The following FUT8 variants were observed in gnomAD, a reference collection of about 807,000 sequenced individuals.
FUT8 encodes fucosyltransferase 8.
FUT8 carries 29 observed loss-of-function variants against 71.3 expected under a neutral mutation model. The ratio of observed to expected loss-of-function variants is 0.41; its 90% CI spans 0.30 to 0.55. The LOEUF (loss-of-function observed/expected upper bound fraction) is 0.55. Ranked by LOEUF, FUT8 falls within the 20% of genes least tolerant of loss-of-function variation. FUT8 has a pLI of 0.34. For missense variants in FUT8, 544 were observed against 702.1 expected (o/e 0.77, Z 2.55); for synonymous variants, 254 against 239.3 (o/e 1.06, Z -0.57).
the FUT8 span, among the ~76,000 whole-genome samples, chr14:65,359,435 T>C: frequency 6.6e-6 from 1 of 152,184 alleles, no homozygotes; most frequent in African/African-American, 2.4e-5. Context: ...ATCACCACCA[T>C]ACATCTCCAG....
At chr14:65,420,797 G>C (rs1452477274) in intron 1 of FUT8, among the ~76,000 whole-genome samples, 1 of 152,032 alleles carries the variant, frequency 6.6e-6, no homozygotes, top group Non-Finnish European at 1.5e-5. Flanking sequence ...ATAAACTACT[G>C]TTGACTTCCA....
chr14:65,519,654 C>T (rs1038425440), intron 2 of FUT8, among the ~76,000 whole-genome samples: 4 of 151,986 alleles, frequency 2.6e-5, no homozygotes, highest in East Asian at 1.9e-4. Context: ...GTTGATGGTC[C>T]GTTGTCCTGT....
At chr14:65,673,962 T>G (rs994554064) in intron 7 of FUT8, among the ~76,000 whole-genome samples, 2 of 152,206 alleles carry the variant, frequency 1.3e-5, no homozygotes, top group African/African-American at 4.8e-5. Context: ...GTCTTTCCTT[T>G]GATACTAATA....
At chr14:65,642,048 GTTTA>G (rs1044808217) in intron 6 of FUT8, among the ~76,000 whole-genome samples, 3 of 151,940 alleles carry the variant, frequency 2.0e-5, no homozygotes, top group Non-Finnish European at 4.4e-5. Flanking sequence ...ACAAAGTTCA[GTTTA>G]TTAAGTTTTT....
chr14:65,557,647 A>G (rs1363569392), intron 2 of FUT8, among the ~76,000 whole-genome samples: 3 of 151,816 alleles, frequency 2.0e-5, no homozygotes, highest in African/African-American at 7.3e-5. Context: ...GTCTCTTAAA[A>G]AAAAAAAAAG....
At chr14:65,389,097 G>A in the FUT8 span, among the ~76,000 whole-genome samples, 1 of 150,664 alleles carries the variant, frequency 6.6e-6, no homozygotes, top group Non-Finnish European at 1.5e-5. Context: ...GGACTTAAGT[G>A]ATCCTCCTGC....
intron 3 of FUT8, among the ~76,000 whole-genome samples, chr14:65,599,887 T>C (rs1273567194): frequency 6.6e-6 from 1 of 152,210 alleles, no homozygotes; most frequent in East Asian, 1.9e-4. Context: ...TTAATACATA[T>C]GCTCTAACAA....
At chr14:65,386,376 C>T in the FUT8 span, among the ~76,000 whole-genome samples, 5 of 148,190 alleles carry the variant, frequency 3.4e-5, no homozygotes, top group East Asian at 2.0e-4. Flanking sequence ...TGGTGGTGTG[C>T]GCCTATAGTT....
At chr14:65,396,869 A>G in the FUT8 span, among the ~76,000 whole-genome samples, 1 of 152,174 alleles carries the variant, frequency 6.6e-6, no homozygotes, top group African/African-American at 2.4e-5. The surrounding 1 kb of genome is among the most constrained non-coding windows in gnomAD (Gnocchi z 5.5). Context: ...GAGTCTTGCT[A>G]GTTTGCCCAG....
intron 6 of FUT8, among the ~76,000 whole-genome samples, chr14:65,662,457 C>A (rs1281065621): frequency 6.6e-6 from 1 of 152,028 alleles, no homozygotes; most frequent in African/African-American, 2.4e-5. Context: ...TATCTTAAAT[C>A]CTTATTTCTT....
In FUT8 at chr14:65,595,602, C is replaced by CCTTT. The variant is rs1887923420; in HGVS notation, c.204-20376_204-20375insCTTT. Among the ~76,000 whole-genome samples, 12 of 81,758 alleles carry CCTTT rather than the reference C, an allele frequency of 1.5e-4. No individual in the cohort carries two copies. In the South Asian group the frequency reaches 6.5e-3, roughly 44 times the overall value. The allele number at this position is 81,758 out of a possible 152,430, so 53.6% of individuals were successfully genotyped here. A position where few individuals can be genotyped will look rare whatever the true frequency, so the allele number is the denominator to read the frequency against. On this transcript the variant is annotated intron_variant, in intron 3 of 10. Coordinates refer to ENST00000673929, the MANE Select transcript of FUT8 (RefSeq NM_001371533.1). ...GACGATTTATCTTCTACACCATTCT[C>CCTTT]TTTTTTTTTTTTTTTTTTTTTTTTG...
intron 7 of FUT8, among the ~76,000 whole-genome samples, chr14:65,716,971 G>A (rs1895106719): frequency 6.8e-6 from 1 of 147,646 alleles, no homozygotes; most frequent in Non-Finnish European, 1.5e-5. Flanking sequence ...GGGCGGCCGG[G>A]CAGAGGTGCT....
chr14:65,524,559 C>T (rs1472649368), intron 2 of FUT8, among the ~76,000 whole-genome samples: 2 of 152,130 alleles, frequency 1.3e-5, no homozygotes, highest in Admixed American at 1.3e-4. Flanking sequence ...ATTGAATGCC[C>T]TTTATTTCTT....
chr14:65,569,672 A>G (rs895775061), intron 3 of FUT8, among the ~76,000 whole-genome samples: 3 of 151,522 alleles, frequency 2.0e-5, no homozygotes, highest in African/African-American at 4.8e-5. Context: ...CCTAATTTCT[A>G]TTTCATGGAT....
intron 2 of FUT8, among the ~76,000 whole-genome samples, chr14:65,500,070 G>T (rs1474482545): frequency 6.6e-6 from 1 of 152,160 alleles, no homozygotes; most frequent in East Asian, 1.9e-4. Flanking sequence ...ATGGGATTGT[G>T]TAGGGATCAT....
At chr14:65,387,841 C>A in the FUT8 span, among the ~76,000 whole-genome samples, 1 of 152,138 alleles carries the variant, frequency 6.6e-6, no homozygotes, top group Non-Finnish European at 1.5e-5. Flanking sequence ...GCTTAAGGTA[C>A]ACAGTAAATC....
chr14:65,491,322 A>G (rs1367824528), intron 2 of FUT8, among the ~76,000 whole-genome samples: 3 of 152,164 alleles, frequency 2.0e-5, no homozygotes, highest in African/African-American at 7.2e-5. Flanking sequence ...GGGGGTTTAT[A>G]GGTCATTCTA....
chr14:65,442,000 AGTT>A (rs1195597273), intron 1 of FUT8, among the ~76,000 whole-genome samples: 1 of 151,896 alleles, frequency 6.6e-6, no homozygotes, highest in African/African-American at 2.4e-5. Context: ...CCCTGGGTCC[AGTT>A]GTTCTCATTG....
upstream of FUT8, chr14:65,412,156 T>A: frequency 2.2e-6 from 1 of 456,536 alleles, no homozygotes; most frequent in Non-Finnish European, 4.4e-6. Context: ...TTCGAGTGAA[T>A]GTGGAAACAG....
Sources: allele counts gnomAD v4.1 joint callset (sites outside exome capture counted in the v4.1 genomes callset), GRCh38; gene constraint gnomAD v4.1.1; non-coding constraint Gnocchi (gnomAD v3.1); transcripts MANE v1.5; gene names NCBI Gene and HGNC (gene_info 2026-07-23, HGNC 2026-07-21).